The following MAPKAPK5 variants were observed in gnomAD, a reference collection of about 807,000 sequenced individuals.
The protein encoded by MAPKAPK5 is MAPK activated protein kinase 5, also known as MAP kinase-activated protein kinase 5.
Under a neutral mutation model 65.1 loss-of-function variants are expected in MAPKAPK5, and 30 were observed. That is an observed-to-expected ratio of 0.46 (90% confidence interval 0.34 to 0.63). MAPKAPK5 has a LOEUF of 0.63. Ranked by LOEUF, MAPKAPK5 falls within the 20% of genes least tolerant of loss-of-function variation. The pLI, the probability that MAPKAPK5 is intolerant of heterozygous loss-of-function variation, is 0.01. For synonymous variants in MAPKAPK5, 179 were observed against 204.6 expected, an observed-to-expected ratio of 0.87 and a Z score of 1.07; for missense variants, 433 against 581.4, an observed-to-expected ratio of 0.74 and a Z score of 2.63.
rs184033227 is a variant in MAPKAPK5, at chr12:111,880,766, A to G, written c.660+239A>G. ...TTGGAATTCAAGTTTTTGTTTAATGAAATATCAAATAAAGTTTGTACCCAA... is the reference window on the plus strand; with the variant it reads ...TTGGAATTCAAGTTTTTGTTTAATGGAATATCAAATAAAGTTTGTACCCAA... On this transcript the variant is annotated intron_variant, in intron 8 of 13. Coordinates refer to ENST00000550735, the MANE Select transcript of MAPKAPK5 (RefSeq NM_003668.4). Among the ~76,000 whole-genome samples the G allele has an allele frequency of 1.5e-3, 228 of 152,346 alleles. 5 individuals are homozygous for G. The South Asian group carries it at 0.032, about 22-fold the overall frequency.
At chr12:111,889,090 G>C in intron 12 of MAPKAPK5, 90 bp downstream of exon 12, 2 of 1,392,936 alleles carry the variant, frequency 1.4e-6, no homozygotes, top group Non-Finnish European at 9.8e-7. Context: ...ATGGCAAAAG[G>C]AATGGTTTAA....
chr12:111,885,859 CCTATGG>C, intron 9 of MAPKAPK5, 51 bp from the exon 10 acceptor site: 1 of 1,611,312 alleles, frequency 6.2e-7, no homozygotes, highest in South Asian at 1.1e-5. Flanking sequence ...CCAGGAACTT[CCTATGG>C]CCTTTTGGTA....
At chr12:111,857,249 T>C (rs2069272780) in intron 1 of MAPKAPK5, among the ~76,000 whole-genome samples, 1 of 151,660 alleles carries the variant, frequency 6.6e-6, no homozygotes, top group Non-Finnish European at 1.5e-5. Flanking sequence ...TTTTTCTTTT[T>C]TTTTTTTTTG....
At chr12:111,892,902 T>C in intron 13 of MAPKAPK5, 65 bp from the exon 14 acceptor site, 1 of 1,185,908 alleles carries the variant, frequency 8.4e-7, no homozygotes. Context: ...TTATTGGGTC[T>C]CTGTCAAGAG....
intron 1 of MAPKAPK5, among the ~76,000 whole-genome samples, chr12:111,848,005 G>C (rs2136064738): frequency 6.6e-6 from 1 of 152,304 alleles, no homozygotes; most frequent in Non-Finnish European, 1.5e-5. Flanking sequence ...AGGACATTTA[G>C]ATTATTTCTA....
intron 7 of MAPKAPK5, among the ~76,000 whole-genome samples, chr12:111,878,947 C>T (rs1192716720): frequency 1.3e-5 from 2 of 152,294 alleles, no homozygotes; most frequent in Admixed American, 6.5e-5. Context: ...AATCAGGTAG[C>T]GTTGGCCCTC....
intron 10 of MAPKAPK5, 139 bp from the exon 11 acceptor site, chr12:111,888,349 T>C (rs2136152682): frequency 1.6e-6 from 2 of 1,254,496 alleles, no homozygotes; most frequent in East Asian, 2.5e-5. Flanking sequence ...CTTTGCCTTA[T>C]CAAAATATTT....
intron 1 of MAPKAPK5, among the ~76,000 whole-genome samples, chr12:111,859,771 TC>T (rs1445786137): frequency 1.3e-5 from 2 of 151,824 alleles, no homozygotes; most frequent in African/African-American, 4.8e-5. Flanking sequence ...TGGGTTAGCC[TC>T]CTGAGTAGCT....
chr12:111,865,123 T>A, intron 1 of MAPKAPK5, 127 bp from the exon 2 acceptor site: 1 of 620,552 alleles, frequency 1.6e-6, no homozygotes, highest in South Asian at 2.0e-5. Context: ...AACACAAAGT[T>A]CTGCTTATCA....
Position 111,866,247 on chromosome 12 carries a change from T to C in MAPKAPK5, c.186+16T>C, listed in dbSNP as rs1302003137. The C allele has an allele frequency of 6.3e-7, 1 of 1,599,520 alleles. No individual in the cohort carries two copies. The highest frequency in any genetic ancestry group is 1.3e-5 in the African/African-American group (1 of 74,696). ...TAGAAATGAGGTATGCTTTATTGCCTCGACTTAATTAAATAGTTGAAGTGC... is the reference window on the plus strand; with the variant it reads ...TAGAAATGAGGTATGCTTTATTGCCCCGACTTAATTAAATAGTTGAAGTGC... On this transcript the variant is annotated intron_variant, in intron 3 of 13. Coordinates refer to ENST00000550735, the MANE Select transcript of MAPKAPK5 (RefSeq NM_003668.4).
intron 13 of MAPKAPK5, 108 bp downstream of exon 13, chr12:111,890,252 G>T: frequency 1.3e-6 from 1 of 797,040 alleles, no homozygotes; most frequent in South Asian, 1.6e-5. Context: ...GAAGTGAAGT[G>T]AGGCTGGCTG....
At chr12:111,878,000 CTCTT>C (rs965978354) in intron 7 of MAPKAPK5, among the ~76,000 whole-genome samples, 9 of 145,620 alleles carry the variant, frequency 6.2e-5, no homozygotes, top group Non-Finnish European at 1.4e-4. Flanking sequence ...CTGACTCTGA[CTCTT>C]TTTTTTTTTT....
chr12:111,890,700 C>T lies in MAPKAPK5; in HGVS notation c.1321+556C>T, dbSNP rs2070573203. Among the ~76,000 whole-genome samples the T allele has an allele frequency of 2.6e-5, 4 of 152,360 alleles. No homozygotes were observed. The South Asian group carries it at 6.2e-4, about 24-fold the overall frequency. On this transcript the variant is annotated intron_variant, in intron 13 of 13. Coordinates refer to ENST00000550735, the MANE Select transcript of MAPKAPK5 (RefSeq NM_003668.4). Reference sequence around the variant, plus strand: ...TGAGGCGGAGTTTCACTCTGTCCCTCAGGCTGGAGTGCAGTGGCGCAATCT... The same window carrying T: ...TGAGGCGGAGTTTCACTCTGTCCCTTAGGCTGGAGTGCAGTGGCGCAATCT...
chr12:111,890,061 T>G lies in MAPKAPK5; in HGVS notation c.1238T>G (p.Leu413Arg). The G allele has an allele frequency of 6.3e-7, 1 of 1,594,750 alleles. No homozygotes were observed. The highest frequency in any genetic ancestry group is 8.5e-7 in the Non-Finnish European group (1 of 1,170,602). The part of the protein sequence containing the change: ...PQAGENEDEK[L>R]NEVMQEAWKY... ...ATAGGAGAGAATGAAGATGAGAAAC[T>G]GAATGAAGTAATGCAGGAGGCTTGG... The change falls in exon 13 of 14, where the codon CTG becomes CGG. Residue 413 changes from leucine (L) to arginine (R), a missense_variant. Physicochemically the swap from Leu to Arg is moderately radical, Grantham distance 102. Coordinates refer to ENST00000550735, the MANE Select transcript of MAPKAPK5 (RefSeq NM_003668.4).
rs1206406907 is a variant in MAPKAPK5 at position 111,901,021 on chromosome 12, A to G, written c.*7960A>G. On this transcript the variant is annotated 3_prime_UTR_variant, in exon 14 of 14. Coordinates refer to ENST00000550735, the MANE Select transcript of MAPKAPK5 (RefSeq NM_003668.4). ...CAATATGTTCGGTGTTCAGATGGTAATATATTTTGTGGGAAACTTATATGT... is the reference window on the plus strand; with the variant it reads ...CAATATGTTCGGTGTTCAGATGGTAGTATATTTTGTGGGAAACTTATATGT... 6 of 455,940 alleles carry G rather than the reference A, an allele frequency of 1.3e-5. No individual in the cohort carries two copies. The East Asian group carries it at 4.2e-4, about 32-fold the overall frequency. 28.2% of individuals were successfully genotyped at this position (455,940 alleles called of 1,614,324 possible).
chr12:111,875,562 A>G (rs1454188822), intron 7 of MAPKAPK5, among the ~76,000 whole-genome samples: 1 of 151,942 alleles, frequency 6.6e-6, no homozygotes, highest in African/African-American at 2.4e-5. Context: ...GGAGATGGCA[A>G]TGGGGGACCG....
In MAPKAPK5 at chr12:111,874,836, G is replaced by T. The variant is rs1330144758; in HGVS notation, c.579+3656G>T. On this transcript the variant is annotated intron_variant, in intron 7 of 13. Transcript: ENST00000550735. ...GTTGCCCAGGCTGGAGTGCAGTGGC[G>T]CAATCTCGGCTCACTGCAATCTCCG... Among the ~76,000 whole-genome samples, 6 of 145,786 alleles carry T rather than the reference G, an allele frequency of 4.1e-5. 1 individual carries two copies. The Admixed American group carries it at 4.2e-4, about 10-fold the overall frequency.
Position 111,893,901 on chromosome 12 carries a change from A to C in MAPKAPK5, c.*840A>C, listed in dbSNP as rs2070710420. ...TGGCTAATTTTTGTATTTTTAGTAG[A>C]GACAGGGTTTCACCACGTTGGCCAG... On this transcript the variant is annotated 3_prime_UTR_variant, in exon 14 of 14. Transcript: ENST00000550735. 1 of 151,712 alleles carries C rather than the reference A, an allele frequency of 6.6e-6. No individual in the cohort carries two copies. The highest frequency in any genetic ancestry group is 2.1e-4 in the South Asian group (1 of 4,822). The allele number at this position is 151,712 out of a possible 1,614,324, so 9.4% of individuals were successfully genotyped here.
intron 1 of MAPKAPK5, among the ~76,000 whole-genome samples, chr12:111,852,042 GA>G (rs35593209): frequency 2.0e-5 from 3 of 152,158 alleles, no homozygotes; most frequent in Non-Finnish European, 4.4e-5. Context: ...ACAGGGGCAG[GA>G]AAAAATTGAC....
Sources: allele counts gnomAD v4.1 joint callset (sites outside exome capture counted in the v4.1 genomes callset), GRCh38; gene constraint gnomAD v4.1.1; transcripts MANE v1.5; gene names NCBI Gene and HGNC (gene_info 2026-07-23, HGNC 2026-07-21).